The following PALLD variants were observed in gnomAD, a reference collection of about 807,000 sequenced individuals.
PALLD encodes the protein palladin, cytoskeletal associated protein.
In PALLD, 61 loss-of-function variants were observed where a neutral mutation model predicts 123.5. The ratio of observed to expected loss-of-function variants is 0.49; its 90% CI spans 0.40 to 0.61. The LOEUF (loss-of-function observed/expected upper bound fraction) is 0.61, where lower values mean the gene tolerates loss of function less well. Ranked by LOEUF, PALLD falls within the 20% of genes least tolerant of loss-of-function variation. The pLI, the probability that PALLD is intolerant of heterozygous loss-of-function variation, is 0.00. For missense variants in PALLD, 1,273 were observed against 1,377.0 expected (o/e 0.92, Z 1.20); for synonymous variants, 465 against 496.4 (o/e 0.94, Z 0.84).
At chr4:168,746,408 A>AAAAG (rs1561475267) in intron 10 of PALLD, among the ~76,000 whole-genome samples, 9 of 147,810 alleles carry the variant, frequency 6.1e-5, no homozygotes, top group Non-Finnish European at 1.3e-4. Context: ...AAAAAAAAAA[A>AAAAG]AAGAGGAGGG....
intron 2 of PALLD, among the ~76,000 whole-genome samples, chr4:168,557,332 C>T (rs1767423362): frequency 6.6e-6 from 1 of 152,190 alleles, no homozygotes; most frequent in African/African-American, 2.4e-5. Context: ...GCGTGAGCCA[C>T]CACTCCCGGC....
At chr4:168,761,680 GTTTT>G (rs1732952027) in intron 10 of PALLD, among the ~76,000 whole-genome samples, 1 of 74,690 alleles carries the variant, frequency 1.3e-5, no homozygotes, top group Non-Finnish European at 2.7e-5. Flanking sequence ...TTTTTTTGTA[GTTTT>G]TTGTTTTGGT....
At chr4:168,558,454 T>C (rs999824343) in intron 2 of PALLD, among the ~76,000 whole-genome samples, 17 of 152,136 alleles carry the variant, frequency 1.1e-4, no homozygotes, top group African/African-American at 4.1e-4. Flanking sequence ...TCACCAGGCT[T>C]ATGGTTTGGA....
chr4:168,628,200 GTCAAATGTCTA>G (rs1775478908), intron 2 of PALLD, among the ~76,000 whole-genome samples: 1 of 152,226 alleles, frequency 6.6e-6, no homozygotes, highest in East Asian at 1.9e-4. Context: ...TTGGAAACAA[GTCAAATGTCTA>G]TCAGTGGGAT....
chr4:168,660,733 A>G (rs962740545), intron 2 of PALLD, among the ~76,000 whole-genome samples: 1 of 152,220 alleles, frequency 6.6e-6, no homozygotes, highest in African/African-American at 2.4e-5. Flanking sequence ...TTTATGTACT[A>G]TAATCCTTTA....
intron 10 of PALLD, among the ~76,000 whole-genome samples, chr4:168,751,665 C>T (rs1047845162): frequency 1.3e-5 from 2 of 152,228 alleles, no homozygotes; most frequent in African/African-American, 4.8e-5. Context: ...ACGGACTCCA[C>T]AGTTTAACCT....
chr4:168,517,475 T>C (rs1179713574), intron 2 of PALLD, among the ~76,000 whole-genome samples: 1 of 152,212 alleles, frequency 6.6e-6, no homozygotes, highest in Non-Finnish European at 1.5e-5. Context: ...AAATACAGCA[T>C]GTCCAATGCC....
chr4:168,913,872 C>A, intron 15 of PALLD, 55 bp from the exon 16 acceptor site: 2 of 1,137,460 alleles, frequency 1.8e-6, no homozygotes, highest in Non-Finnish European at 2.7e-6. Context: ...CATGATAGTG[C>A]TTAGTGGTTA....
chr4:168,860,862 G>A (rs1381656065), intron 10 of PALLD, among the ~76,000 whole-genome samples: 1 of 152,146 alleles, frequency 6.6e-6, no homozygotes, highest in Non-Finnish European at 1.5e-5. Context: ...AGTCCTCAAC[G>A]TGACTAAAGA....
At chr4:168,736,956 C>T (rs556758802) in intron 10 of PALLD, among the ~76,000 whole-genome samples, 13 of 152,246 alleles carry the variant, frequency 8.5e-5, no homozygotes, top group East Asian at 3.9e-4. Flanking sequence ...AGAAGCTTAA[C>T]GTGATTGTCT....
chr4:168,639,791 G>T (rs373424818), intron 2 of PALLD, among the ~76,000 whole-genome samples: 9 of 152,044 alleles, frequency 5.9e-5, no homozygotes, highest in Admixed American at 3.9e-4. Context: ...TGATCCGCCC[G>T]CCTCGGCCAC....
chr4:168,725,619 C>T (rs188388548), intron 10 of PALLD, among the ~76,000 whole-genome samples: 49 of 150,394 alleles, frequency 3.3e-4, no homozygotes, highest in East Asian at 2.8e-3. Context: ...CTCCGCCTCC[C>T]GGGTTCACGC....
chr4:168,746,746 C>A (rs1269427512), intron 10 of PALLD, among the ~76,000 whole-genome samples: 3 of 151,978 alleles, frequency 2.0e-5, no homozygotes, highest in African/African-American at 7.3e-5. Flanking sequence ...ATCAAGGGAC[C>A]AAGAGATATA....
intron 3 of PALLD, among the ~76,000 whole-genome samples, chr4:168,670,427 A>C (rs1279524881): frequency 6.6e-6 from 1 of 152,110 alleles, no homozygotes; most frequent in Non-Finnish European, 1.5e-5. Context: ...AGATAAACAC[A>C]TTTTTTTAAA....
intron 10 of PALLD, among the ~76,000 whole-genome samples, chr4:168,797,209 A>G (rs1490913473): frequency 6.6e-6 from 1 of 152,188 alleles, no homozygotes; most frequent in Non-Finnish European, 1.5e-5. Context: ...AAAAAAAGAA[A>G]CAATCAAATG....
intron 3 of PALLD, among the ~76,000 whole-genome samples, chr4:168,679,165 C>T (rs1364852522): frequency 1.4e-3 from 39 of 28,580 alleles, no homozygotes; most frequent in African/African-American, 5.0e-3. Context: ...GGTGTGTGTG[C>T]ATGGTGTGTG....
chr4:168,878,318 C>G lies in PALLD; in HGVS notation c.1965-12604C>G. On this transcript the variant is annotated intron_variant, in intron 10 of 21. Transcript: ENST00000505667. The stretch of plus-strand genomic sequence containing the variant: ...CCACAGCCAGACGCCCGCGGCCTTC[C>G]TCAGCGCTCTGCTGCCCTCGCAGCC... The G allele has an allele frequency of 3.9e-6, 6 of 1,526,068 alleles. No homozygotes were observed. In the South Asian group the frequency reaches 7.2e-5, roughly 18 times the overall value. 94.5% of individuals were successfully genotyped at this position (1,526,068 alleles called of 1,614,324 possible).
chr4:168,593,664 A>G (rs1006478905), intron 2 of PALLD, among the ~76,000 whole-genome samples: 1 of 152,130 alleles, frequency 6.6e-6, no homozygotes, highest in African/African-American at 2.4e-5. Context: ...TCTCCACTCC[A>G]ACAAATACAG....
intron 10 of PALLD, chr4:168,878,445 C>T: frequency 7.4e-7 from 1 of 1,357,746 alleles, no homozygotes; most frequent in South Asian, 1.5e-5. Flanking sequence ...CCTCGGGTCG[C>T]CCTGGGACTC....
Sources: allele counts gnomAD v4.1 joint callset (sites outside exome capture counted in the v4.1 genomes callset), GRCh38; gene constraint gnomAD v4.1.1; transcripts MANE v1.5; gene names NCBI Gene and HGNC (gene_info 2026-07-23, HGNC 2026-07-21).